TBXAS1: variants seen among roughly 807,000 people sequenced by gnomAD.
The protein encoded by TBXAS1 is thromboxane A synthase 1.
TBXAS1 carries 48 observed loss-of-function variants against 60.7 expected under a neutral mutation model. The observed-to-expected ratio is 0.79, with a 90% CI of 0.63 to 1.01. TBXAS1 has a LOEUF of 1.01. Among genes scored for constraint, TBXAS1 ranks in the 50% least tolerant of loss-of-function variants. The probability of loss-of-function intolerance (pLI) is 0.00; values close to 1 mark genes in which losing one functional copy is unlikely to be tolerated. For synonymous variants in TBXAS1, 287 were observed against 269.7 expected, an observed-to-expected ratio of 1.06 and a Z score of -0.63; for missense variants, 685 against 686.3, an observed-to-expected ratio of 1.00 and a Z score of 0.02.
chr7:139,844,168 A>G (rs1023199800), intron 1 of TBXAS1, among the ~76,000 whole-genome samples: 6 of 152,178 alleles, frequency 3.9e-5, no homozygotes, highest in African/African-American at 1.2e-4. Flanking sequence ...ATGGGGGTAT[A>G]TAGAGCACTC....
intron 9 of TBXAS1, among the ~76,000 whole-genome samples, chr7:139,984,903 GA>G (rs1812313241): frequency 1.5e-5 from 2 of 130,906 alleles, no homozygotes; most frequent in African/African-American, 2.9e-5. Context: ...AGCAAAGAAA[GA>G]AAGGAAAGAA....
chr7:139,851,736 T>C (rs1800227788), intron 1 of TBXAS1, among the ~76,000 whole-genome samples: 1 of 152,184 alleles, frequency 6.6e-6, no homozygotes, highest in Non-Finnish European at 1.5e-5. Context: ...ACACTCAAGG[T>C]GAAACTTTGG....
intron 1 of TBXAS1, among the ~76,000 whole-genome samples, chr7:139,837,109 A>G (rs1213230121): frequency 6.6e-6 from 1 of 152,262 alleles, no homozygotes; most frequent in Non-Finnish European, 1.5e-5. Flanking sequence ...ACAATGCAAT[A>G]CCACATTACT....
intron 5 of TBXAS1, among the ~76,000 whole-genome samples, chr7:139,952,017 A>AAAGAAAGG (rs1809451395): frequency 2.7e-5 from 4 of 150,096 alleles, no homozygotes; most frequent in South Asian, 2.1e-4. Context: ...AAAGAAAAAG[A>AAAGAAAGG]AAGGAAGGAA....
intron 5 of TBXAS1, among the ~76,000 whole-genome samples, chr7:139,951,928 A>G (rs879445367): frequency 0.12 from 9,719 of 79,858 alleles, 2,272 homozygotes; most frequent in Non-Finnish European, 0.13. Flanking sequence ...AGAGAAAGAA[A>G]GAGAGAAAGA....
intron 11 of TBXAS1, 69 bp downstream of exon 11, chr7:140,015,929 G>A (rs1815007974): frequency 1.2e-6 from 2 of 1,606,680 alleles, no homozygotes; most frequent in East Asian, 2.2e-5. Flanking sequence ...TACCAGTGGA[G>A]GCAGCAGCCG....
intron 1 of TBXAS1, among the ~76,000 whole-genome samples, chr7:139,859,505 C>CT (rs1247343042): frequency 6.6e-6 from 1 of 152,094 alleles, no homozygotes; most frequent in Non-Finnish European, 1.5e-5. Context: ...CGTGCCTGGC[C>CT]TATCATTAGT....
intron 9 of TBXAS1, among the ~76,000 whole-genome samples, chr7:139,991,956 G>A (rs1812940236): frequency 6.6e-6 from 1 of 152,362 alleles, no homozygotes; most frequent in Admixed American, 6.5e-5. Flanking sequence ...CTGAGAGATG[G>A]AGTATGGGTC....
intron 4 of TBXAS1, among the ~76,000 whole-genome samples, chr7:139,931,756 T>A (rs1158490053): frequency 6.6e-6 from 1 of 152,052 alleles, no homozygotes; most frequent in Non-Finnish European, 1.5e-5. Flanking sequence ...GAGCTACAAT[T>A]CAAGATGAGA....
At chr7:139,833,215 C>T (rs1798824939) in intron 1 of TBXAS1, among the ~76,000 whole-genome samples, 1 of 152,140 alleles carries the variant, frequency 6.6e-6, no homozygotes, top group Admixed American at 6.5e-5. Flanking sequence ...TGGATAAGAA[C>T]TCACCAACCA....
rs1215403180 is a variant in TBXAS1, at chr7:139,803,914, G to A, written c.-80+16488G>A. 3.3e-5 allele frequency among the ~76,000 whole-genome samples: 5 copies of A among 152,378 alleles called. No homozygotes were observed. In the South Asian group the frequency reaches 8.3e-4, roughly 25 times the overall value. On this transcript the variant is annotated intron_variant, in intron 4 of 16. Transcript: ENST00000336425. ...CAGGTGGAAGTTTGCTGCAGGAGCAGAGCTCTCATGGAGAACCTCTGCTAG... is the reference window on the plus strand; with the variant it reads ...CAGGTGGAAGTTTGCTGCAGGAGCAAAGCTCTCATGGAGAACCTCTGCTAG...
At chr7:139,873,761 C>T (rs1172971136) in intron 2 of TBXAS1, among the ~76,000 whole-genome samples, 1 of 152,078 alleles carries the variant, frequency 6.6e-6, no homozygotes, top group Non-Finnish European at 1.5e-5. Context: ...TATTTTTTCT[C>T]ACATTGGGTT....
Position 140,018,816 on chromosome 7 carries a change from G to A in TBXAS1, c.1527+983G>A, listed in dbSNP as rs186875536. 3.9e-5 allele frequency among the ~76,000 whole-genome samples: 6 copies of A among 152,282 alleles called. No homozygotes were observed. The East Asian group carries it at 9.7e-4, about 25-fold the overall frequency. On this transcript the variant is annotated intron_variant, in intron 12 of 12. Coordinates refer to ENST00000448866, the MANE Select transcript of TBXAS1 (RefSeq NM_001061.7). ...TCCAGCATCTAGCTTAATGCCAGGCGCATGACAGGTGCTCACTCATTCATT... is the reference window on the plus strand; with the variant it reads ...TCCAGCATCTAGCTTAATGCCAGGCACATGACAGGTGCTCACTCATTCATT...
At chr7:139,968,209 G>T (rs1372144886) in intron 9 of TBXAS1, among the ~76,000 whole-genome samples, 1 of 152,186 alleles carries the variant, frequency 6.6e-6, no homozygotes, top group African/African-American at 2.4e-5. Context: ...ATCCCATACA[G>T]CCTTGACTGC....
Position 139,938,398 on chromosome 7 carries a change from G to A in TBXAS1, c.450+2091G>A, listed in dbSNP as rs149925298. Among the ~76,000 whole-genome samples the A allele has an allele frequency of 2.2e-3, 330 of 152,262 alleles. 3 individuals carry two copies. Among genetic ancestry groups the A allele is most frequent in the African/African-American group, 7.3e-3 (303 of 41,556 alleles). On this transcript the variant is annotated intron_variant, in intron 5 of 12. Coordinates refer to ENST00000448866, the MANE Select transcript of TBXAS1 (RefSeq NM_001061.7). The stretch of plus-strand genomic sequence containing the variant: ...TTCAGGCTCCCCAGGTGATTGTCAC[G>A]TAAAGCCAGTATTGGGAACCACCAC...
intron 5 of TBXAS1, chr7:139,952,595 T>G: frequency 6.5e-7 from 1 of 1,537,252 alleles, no homozygotes; most frequent in Non-Finnish European, 8.7e-7. Flanking sequence ...GTCACATGGG[T>G]GGCCAGCAGG....
intron 1 of TBXAS1, among the ~76,000 whole-genome samples, chr7:139,871,982 C>G (rs1381342189): frequency 6.6e-6 from 1 of 152,200 alleles, no homozygotes; most frequent in Non-Finnish European, 1.5e-5. Flanking sequence ...ACTACATCAT[C>G]TGTAAGGCAT....
intron 1 of TBXAS1, among the ~76,000 whole-genome samples, chr7:139,843,530 G>T (rs1201501304): frequency 6.6e-6 from 1 of 152,022 alleles, no homozygotes; most frequent in Non-Finnish European, 1.5e-5. Flanking sequence ...TTTAGTAGAG[G>T]TGGGGTTTCA....
At chr7:139,929,921 TA>T (rs1270390769) in intron 4 of TBXAS1, among the ~76,000 whole-genome samples, 1 of 152,200 alleles carries the variant, frequency 6.6e-6, no homozygotes, top group East Asian at 1.9e-4. Flanking sequence ...CGAGATTCTT[TA>T]AAACAGAAGT....
Sources: allele counts gnomAD v4.1 joint callset (sites outside exome capture counted in the v4.1 genomes callset), GRCh38; gene constraint gnomAD v4.1.1; transcripts MANE v1.5; gene names NCBI Gene and HGNC (gene_info 2026-07-23, HGNC 2026-07-21).